Variants in UQCRC2 observed in about 807,000 individuals in gnomAD.
The protein encoded by UQCRC2 is ubiquinol-cytochrome c reductase core protein 2, also known as cytochrome b-c1 complex subunit 2, mitochondrial.
Under a neutral mutation model 55.6 loss-of-function variants are expected in UQCRC2, and 49 were observed. The observed-to-expected ratio is 0.88, with a 90% CI of 0.70 to 1.12. The LOEUF (loss-of-function observed/expected upper bound fraction) is 1.12. Among genes scored for constraint, UQCRC2 ranks in the 50% most tolerant of loss-of-function variants. UQCRC2 has a pLI of 0.00. For missense variants in UQCRC2, 506 were observed against 547.8 expected (o/e 0.92, Z 0.76); for synonymous variants, 193 against 192.0 (o/e 1.01, Z -0.04).
chr16:21,977,187 A>T (rs1898606241), intron 12 of UQCRC2, among the ~76,000 whole-genome samples: 1 of 152,110 alleles, frequency 6.6e-6, no homozygotes, highest in Non-Finnish European at 1.5e-5. Context: ...CACTGTCTTT[A>T]CAAAAAGATA....
Position 21,980,635 on chromosome 16 carries a change from T to C in UQCRC2, c.1213T>C (p.Ser405Pro). 6.2e-7 allele frequency: 1 copy of C among 1,614,226 alleles called. No individual in the cohort carries two copies. Among genetic ancestry groups the C allele is most frequent in the Non-Finnish European group, 8.5e-7 (1 of 1,180,038 alleles). ...EVGSQALVAG[S>P]YMPPSTVLQQ... is the part of the protein sequence containing the mutation. Reference sequence around the variant, plus strand: ...CGGGTCCCAGGCTCTAGTTGCTGGTTCTTACATGCCACCATCCACAGTCCT... The same window carrying C: ...CGGGTCCCAGGCTCTAGTTGCTGGTCCTTACATGCCACCATCCACAGTCCT... Residue 405 changes from serine to proline, a missense_variant, in exon 13 of 14, where the codon TCT becomes CCT. By Grantham distance (74) the Ser-to-Pro change is moderately conservative. Coordinates refer to ENST00000268379, the MANE Select transcript of UQCRC2 (RefSeq NM_003366.4).
At chr16:21,975,992 A>G (rs958770182) in intron 11 of UQCRC2, among the ~76,000 whole-genome samples, 175 bp from the exon 12 acceptor site, 1 of 152,182 alleles carries the variant, frequency 6.6e-6, no homozygotes, top group Non-Finnish European at 1.5e-5. Flanking sequence ...CAGCTGCTTT[A>G]TGAACATAGG....
At chr16:21,958,400 ATTC>A (rs1276036990) in intron 3 of UQCRC2, 132 bp from the exon 4 acceptor site, 4 of 766,624 alleles carry the variant, frequency 5.2e-6, no homozygotes, top group Non-Finnish European at 8.7e-6. Context: ...TTGTTTTATA[ATTC>A]TTAACTAAAA....
intron 8 of UQCRC2, among the ~76,000 whole-genome samples, chr16:21,970,887 A>T (rs1898443466): frequency 6.6e-6 from 1 of 151,846 alleles, no homozygotes; most frequent in South Asian, 2.1e-4. Flanking sequence ...TGCCCAGTCA[A>T]CTTTGGAGAA....
intron 7 of UQCRC2, among the ~76,000 whole-genome samples, chr16:21,967,916 A>G (rs1898365720): frequency 6.6e-6 from 1 of 152,128 alleles, no homozygotes; most frequent in African/African-American, 2.4e-5. Context: ...GAAACCTGAC[A>G]TACTACGTAA....
At position 21,983,272 on chromosome 16, in the gene UQCRC2, C is replaced by T. The variant is rs768877148; in HGVS notation, c.*101C>T. The T allele has an allele frequency of 4.1e-5, 43 of 1,055,832 alleles. No individual in the cohort carries two copies. In the South Asian group the frequency reaches 5.7e-4, roughly 14 times the overall value. The allele number at this position is 1,055,832 out of a possible 1,614,324, so 65.4% of individuals were successfully genotyped here. On this transcript the variant is annotated 3_prime_UTR_variant, in exon 14 of 14. Transcript: ENST00000268379. Reference sequence around the variant, plus strand: ...CTCTAATATATCATTTGTCTTTTTTCCAGTGAGGTAAAATAAGGCATAAAT... The same window carrying T: ...CTCTAATATATCATTTGTCTTTTTTTCAGTGAGGTAAAATAAGGCATAAAT...
intron 7 of UQCRC2, among the ~76,000 whole-genome samples, chr16:21,967,319 G>A (rs1190919684): frequency 2.6e-5 from 4 of 152,074 alleles, no homozygotes; most frequent in Admixed American, 1.3e-4. Flanking sequence ...TTCTCAAAAC[G>A]TTATCACTTT....
At chr16:21,965,843 G>A (rs915177651) in intron 7 of UQCRC2, among the ~76,000 whole-genome samples, 2 of 152,110 alleles carry the variant, frequency 1.3e-5, no homozygotes, top group Non-Finnish European at 2.9e-5. Context: ...CTGTGTGTAT[G>A]TATCTTTTTT....
chr16:21,954,080 G>A (rs935660416), intron 1 of UQCRC2, among the ~76,000 whole-genome samples: 2 of 152,088 alleles, frequency 1.3e-5, no homozygotes, highest in Non-Finnish European at 2.9e-5. Flanking sequence ...GTCACTTGGG[G>A]AAAACTCACA....
chr16:21,983,521 A>G lies in UQCRC2; in HGVS notation c.*350A>G, dbSNP rs1898788468. 2 of 309,620 alleles carry G rather than the reference A, an allele frequency of 6.5e-6. No individual in the cohort carries two copies. Among genetic ancestry groups the G allele is most frequent in the Non-Finnish European group, 1.2e-5 (2 of 171,218 alleles). 19.2% of individuals were successfully genotyped at this position (309,620 alleles called of 1,614,324 possible). Reference sequence around the variant, plus strand: ...TCGGGGTAAATAGTGCCAGATTACTATTGGTGGCGTTTAAGATGAAAGCAA... The same window carrying G: ...TCGGGGTAAATAGTGCCAGATTACTGTTGGTGGCGTTTAAGATGAAAGCAA... On this transcript the variant is annotated 3_prime_UTR_variant, in exon 14 of 14. Coordinates refer to ENST00000268379, the MANE Select transcript of UQCRC2 (RefSeq NM_003366.4).
At chr16:21,974,812 C>T (rs898483029) in intron 11 of UQCRC2, among the ~76,000 whole-genome samples, 6 of 152,178 alleles carry the variant, frequency 3.9e-5, no homozygotes, top group African/African-American at 1.2e-4. Context: ...GGATCCAGCA[C>T]ACAAGTGGAC....
intron 9 of UQCRC2, 60 bp downstream of exon 9, chr16:21,971,680 C>T: frequency 1.3e-6 from 2 of 1,532,664 alleles, no homozygotes; most frequent in South Asian, 1.1e-5. Context: ...ACTAGAATAG[C>T]ATATTGAGGT....
At chr16:21,974,484 T>A (rs1330343021) in intron 11 of UQCRC2, among the ~76,000 whole-genome samples, 1 of 152,222 alleles carries the variant, frequency 6.6e-6, no homozygotes, top group Non-Finnish European at 1.5e-5. Context: ...AACACCATTT[T>A]GACCCACAGT....
intron 12 of UQCRC2, chr16:21,980,142 T>C (rs1219731777): frequency 7.0e-5 from 13 of 185,324 alleles, no homozygotes; most frequent in Non-Finnish European, 1.2e-5. Flanking sequence ...GAGATCTTCC[T>C]CACTGTGCCA....
chr16:21,981,521 A>G (rs866327154), intron 13 of UQCRC2, among the ~76,000 whole-genome samples: 13 of 152,248 alleles, frequency 8.5e-5, no homozygotes, highest in Middle Eastern at 3.4e-3. Context: ...TGGAAGGCTG[A>G]GGTGGGCAGA....
chr16:21,961,650 A>ATATATATATATATG, intron 4 of UQCRC2, among the ~76,000 whole-genome samples: 1 of 102,702 alleles, frequency 9.7e-6, no homozygotes, highest in African/African-American at 5.1e-5. Flanking sequence ...ATATATATAT[A>ATATATATATATATG]TATATATATA....
chr16:21,975,308 TG>T (rs1898555561), intron 11 of UQCRC2, among the ~76,000 whole-genome samples: 1 of 152,070 alleles, frequency 6.6e-6, no homozygotes, highest in Admixed American at 6.6e-5. Context: ...CTAGAGATCT[TG>T]ATAAAGTGGA....
At chr16:21,980,797 T>C in intron 13 of UQCRC2, 97 bp downstream of exon 13, 1 of 1,444,310 alleles carries the variant, frequency 6.9e-7, no homozygotes, top group African/African-American at 1.4e-5. Context: ...CAGTGTATTA[T>C]TCTTATGTTT....
rs745667374 is a variant in UQCRC2 at position 21,962,491 on chromosome 16, A to C, written c.364A>C (p.Thr122Pro). Reference protein sequence around the residue: ...VTATRENMAYTVECLRGDVDI... With the variant: ...VTATRENMAYPVECLRGDVDI... Reference sequence around the variant, plus strand: ...CGCAACAAGGGAAAACATGGCTTATACTGTGGAATGCCTGCGGGGTGATGT... The same window carrying C: ...CGCAACAAGGGAAAACATGGCTTATCCTGTGGAATGCCTGCGGGGTGATGT... The change falls in exon 5 of 14, where the codon ACT becomes CCT. Residue 122 changes from threonine to proline, a missense_variant. Thr to Pro is a conservative substitution (Grantham distance 38). Transcript: ENST00000268379. 6.2e-7 allele frequency: 1 copy of C among 1,614,122 alleles called. No homozygotes were observed. Among genetic ancestry groups the C allele is most frequent in the Non-Finnish European group, 8.5e-7 (1 of 1,180,006 alleles).
Sources: gnomAD v4.1 joint callset for allele counts (sites outside exome capture counted in the v4.1 genomes callset) on GRCh38, gnomAD v4.1.1 for gene constraint, MANE v1.5 for transcripts, NCBI Gene and HGNC (gene_info 2026-07-23, HGNC 2026-07-21) for gene names.